MAN1A1: variants seen among roughly 807,000 people sequenced by gnomAD.
The protein encoded by MAN1A1 is mannosyl-oligosaccharide 1,2-alpha-mannosidase IA.
In MAN1A1, 29 loss-of-function variants were observed where a neutral mutation model predicts 70.8. The observed-to-expected ratio is 0.41, with a 90% CI of 0.31 to 0.56. MAN1A1 has a LOEUF of 0.56. Among genes scored for constraint, MAN1A1 ranks in the 20% least tolerant of loss-of-function variants. MAN1A1 has a pLI of 0.29. For missense variants in MAN1A1, 747 were observed against 841.3 expected (o/e 0.89, Z 1.39); for synonymous variants, 349 against 330.1 (o/e 1.06, Z -0.62).
intron 8 of MAN1A1, among the ~76,000 whole-genome samples, chr6:119,196,527 T>C (rs1279283014): frequency 1.3e-5 from 2 of 152,118 alleles, no homozygotes; most frequent in Non-Finnish European, 2.9e-5. Flanking sequence ...AATAACATAA[T>C]ATGGTATTTT....
In MAN1A1 at chr6:119,290,683, C is replaced by G; in HGVS notation, c.897G>C (p.Glu299Asp). ...ATTTATATACCACTTTTCATCTTAC[C>G]TCTTCTCCAGACAGATAGTAGGCTG... is the stretch of plus-strand genomic sequence containing the variant. ...LLSAYYLSGE[E>D]IFRKKAVELG... The change falls in exon 5 of 13, where the codon GAG (glutamate) becomes GAC (aspartate). Residue 299 changes from glutamate to aspartate, a missense_variant and splice_region_variant. By Grantham distance (45) the Glu-to-Asp change is conservative. This residue lies in a region of MAN1A1 where 419 missense variants were observed against 548.2 expected (regional missense o/e 0.76). Coordinates refer to ENST00000368468, the MANE Select transcript of MAN1A1 (RefSeq NM_005907.4). The G allele has an allele frequency of 6.2e-7, 1 of 1,602,428 alleles. No individual in the cohort carries two copies. The highest frequency in any genetic ancestry group is 8.5e-7 in the Non-Finnish European group (1 of 1,173,368).
At chr6:119,295,236 C>T (rs749152281) in intron 4 of MAN1A1, among the ~76,000 whole-genome samples, 8 of 152,202 alleles carry the variant, frequency 5.3e-5, no homozygotes, top group African/African-American at 1.7e-4. Flanking sequence ...AACCTCTTCA[C>T]ACTAGACAAG....
At chr6:119,336,584 A>C (rs950865401) in intron 2 of MAN1A1, among the ~76,000 whole-genome samples, 7 of 152,244 alleles carry the variant, frequency 4.6e-5, no homozygotes, top group Non-Finnish European at 7.3e-5. Context: ...GCAATTATTT[A>C]TATGACACAG....
rs760142470 is a variant in MAN1A1 at position 119,189,809 on chromosome 6, C to A, written c.1401G>T (p.Leu467=). Residue 467 remains leucine, a synonymous_variant, in exon 10 of 13, where the codon CTG becomes CTT. Coordinates refer to ENST00000368468, the MANE Select transcript of MAN1A1 (RefSeq NM_005907.4). The part of the protein sequence containing the change: ...TYIAEWKGGL[L]EHKMGHLTCF... ...AGGTCAGGTGGCCCATCTTGTGCTCCAGGAGGCCCCCTTTCCACTCTGCGA... is the reference window on the plus strand; with the variant it reads ...AGGTCAGGTGGCCCATCTTGTGCTCAAGGAGGCCCCCTTTCCACTCTGCGA... 1 of 1,614,146 alleles carries A rather than the reference C, an allele frequency of 6.2e-7. No homozygotes were observed. Among genetic ancestry groups the A allele is most frequent in the Non-Finnish European group, 8.5e-7 (1 of 1,180,020 alleles).
At chr6:119,188,141 A>T (rs1773342997) in intron 11 of MAN1A1, among the ~76,000 whole-genome samples, 1 of 152,208 alleles carries the variant, frequency 6.6e-6, no homozygotes. Context: ...ATTAATGGGA[A>T]CTTAATTTTA....
rs1773048617 is a variant in MAN1A1, at chr6:119,177,988, C to T, written c.*1831G>A. ...CTTAAAGTCCTGGGAACAAAGGGCTCTTGCTATCCATTCATTTCATTAGGT... is the reference window on the plus strand; with the variant it reads ...CTTAAAGTCCTGGGAACAAAGGGCTTTTGCTATCCATTCATTTCATTAGGT... On this transcript the variant is annotated 3_prime_UTR_variant, in exon 13 of 13. Transcript: ENST00000368468. The T allele has an allele frequency of 6.6e-6, 1 of 152,118 alleles. No individual in the cohort carries two copies. The highest frequency in any genetic ancestry group is 1.5e-5 in the Non-Finnish European group (1 of 67,944). The allele number at this position is 152,118 out of a possible 1,614,324, so 9.4% of individuals were successfully genotyped here.
At chr6:119,319,384 A>ATCATCATCATCATC (rs1554215450) in intron 2 of MAN1A1, among the ~76,000 whole-genome samples, 42 of 144,280 alleles carry the variant, frequency 2.9e-4, no homozygotes, top group African/African-American at 1.1e-3. Flanking sequence ...TAATAATAAT[A>ATCATCATCATCATC]ATAATAATCA....
rs1023196791 is a variant in MAN1A1, at chr6:119,179,765, T to C, written c.*54A>G. ...ATGTGCCTGATTACCAGAAAAGGAA[T>C]TATTAAGGTATACAGTGAAGGGAAT... On this transcript the variant is annotated 3_prime_UTR_variant, in exon 13 of 13. Transcript: ENST00000368468. 19 of 1,502,426 alleles carry C rather than the reference T, an allele frequency of 1.3e-5. No homozygotes were observed. The highest frequency in any genetic ancestry group is 1.7e-5 in the Non-Finnish European group (19 of 1,091,254). The allele number at this position is 1,502,426 out of a possible 1,614,324, so 93.1% of individuals were successfully genotyped here.
intron 5 of MAN1A1, among the ~76,000 whole-genome samples, chr6:119,279,120 TAAA>T (rs796384504): frequency 2.0e-5 from 3 of 151,876 alleles, no homozygotes; most frequent in Non-Finnish European, 2.9e-5. Flanking sequence ...ACTGCTCCAT[TAAA>T]AAAAACTCTT....
At chr6:119,313,005 C>T (rs191098691) in intron 2 of MAN1A1, among the ~76,000 whole-genome samples, 37 of 152,254 alleles carry the variant, frequency 2.4e-4, no homozygotes, top group East Asian at 7.7e-4. Context: ...TATCCACTCA[C>T]GCCACCTCCT....
At chr6:119,314,041 T>C (rs1267268331) in intron 2 of MAN1A1, among the ~76,000 whole-genome samples, 1 of 152,164 alleles carries the variant, frequency 6.6e-6, no homozygotes, top group African/African-American at 2.4e-5. Context: ...ACCTCTACTT[T>C]ACAGGCACGC....
At chr6:119,228,317 C>T (rs1474921230) in intron 6 of MAN1A1, among the ~76,000 whole-genome samples, 7 of 152,102 alleles carry the variant, frequency 4.6e-5, no homozygotes, top group Admixed American at 3.9e-4. Flanking sequence ...ATAATGAATC[C>T]GAAGCTTTGG....
At chr6:119,311,685 G>A (rs1456665824) in intron 2 of MAN1A1, among the ~76,000 whole-genome samples, 1 of 152,144 alleles carries the variant, frequency 6.6e-6, no homozygotes, top group Non-Finnish European at 1.5e-5. Flanking sequence ...AGAAGGGGAG[G>A]AGGACAAAGG....
chr6:119,336,078 TA>T (rs1270918422), intron 2 of MAN1A1, among the ~76,000 whole-genome samples: 5 of 152,120 alleles, frequency 3.3e-5, no homozygotes, highest in African/African-American at 4.8e-5. Flanking sequence ...TTTTTATTAT[TA>T]TTTTTTTTGA....
intron 5 of MAN1A1, among the ~76,000 whole-genome samples, chr6:119,253,094 T>C (rs1164081551): frequency 1.3e-5 from 2 of 152,120 alleles, no homozygotes; most frequent in Non-Finnish European, 1.5e-5. Flanking sequence ...ACAATAATAA[T>C]GAACAATTTC....
intron 4 of MAN1A1, among the ~76,000 whole-genome samples, chr6:119,297,583 C>G (rs1772250007): frequency 6.6e-6 from 1 of 151,980 alleles, no homozygotes; most frequent in Non-Finnish European, 1.5e-5. Context: ...TAATTTGGGA[C>G]AGCCTAATTA....
At chr6:119,240,745 C>CTA (rs1200903046) in intron 6 of MAN1A1, among the ~76,000 whole-genome samples, 13 of 152,174 alleles carry the variant, frequency 8.5e-5, no homozygotes, top group Non-Finnish European at 1.3e-4. Context: ...ATAAAGGTGG[C>CTA]TATACACAAA....
chr6:119,247,984 T>C (rs1236761037), intron 6 of MAN1A1, among the ~76,000 whole-genome samples: 1 of 152,194 alleles, frequency 6.6e-6, no homozygotes, highest in Non-Finnish European at 1.5e-5. Flanking sequence ...GACAGTATCA[T>C]TGATGCAAAG....
intron 6 of MAN1A1, among the ~76,000 whole-genome samples, chr6:119,208,703 C>T (rs1387322087): frequency 6.6e-6 from 1 of 152,160 alleles, no homozygotes; most frequent in Non-Finnish European, 1.5e-5. Flanking sequence ...GGGAGAGATG[C>T]TAACTCTTTT....
Sources: allele counts gnomAD v4.1 joint callset (sites outside exome capture counted in the v4.1 genomes callset), GRCh38; gene constraint gnomAD v4.1.1; regional missense constraint gnomAD v4.1.1; transcripts MANE v1.5; gene names NCBI Gene and HGNC (gene_info 2026-07-23, HGNC 2026-07-21).